The following LYPLAL1 variants were observed in gnomAD, a reference collection of about 807,000 sequenced individuals.
LYPLAL1 encodes the protein lysophospholipase-like protein 1.
LYPLAL1 carries 23 observed loss-of-function variants against 19.7 expected under a neutral mutation model. The ratio of observed to expected loss-of-function variants is 1.17; its 90% CI spans 0.84 to 1.65. The LOEUF is 1.65. Ranked by LOEUF, LYPLAL1 falls within the 40% of genes most tolerant of loss-of-function variation. The probability of loss-of-function intolerance (pLI) is 0.00; values close to 1 mark genes in which losing one functional copy is unlikely to be tolerated. For missense variants in LYPLAL1, 355 were observed against 279.4 expected, an observed-to-expected ratio of 1.27 and a Z score of -1.93; for synonymous variants, 119 against 96.3, an observed-to-expected ratio of 1.24 and a Z score of -1.38.
chr1:219,358,099 A>G, the LYPLAL1 span, among the ~76,000 whole-genome samples: 1 of 152,172 alleles, frequency 6.6e-6, no homozygotes, highest in Non-Finnish European at 1.5e-5. Flanking sequence ...GATGCTATTG[A>G]CAAAACTCAT....
chr1:219,328,803 T>G, the LYPLAL1 span, among the ~76,000 whole-genome samples: 1 of 152,156 alleles, frequency 6.6e-6, no homozygotes, highest in Non-Finnish European at 1.5e-5. Context: ...AAAGTACTTT[T>G]GTTGCAATTA....
the LYPLAL1 span, among the ~76,000 whole-genome samples, chr1:219,396,639 A>G: frequency 6.6e-6 from 1 of 152,078 alleles, no homozygotes; most frequent in Admixed American, 6.6e-5. Flanking sequence ...GAGATCTTTC[A>G]TCTCCCTGGT....
chr1:219,253,725 T>C, the LYPLAL1 span, among the ~76,000 whole-genome samples: 12 of 152,126 alleles, frequency 7.9e-5, no homozygotes, highest in African/African-American at 2.7e-4. Context: ...GTATGTGCCA[T>C]GTGGCAATGA....
chr1:219,396,617 G>T, the LYPLAL1 span, among the ~76,000 whole-genome samples: 2 of 152,230 alleles, frequency 1.3e-5, no homozygotes, highest in East Asian at 3.9e-4. Context: ...GTGTTTTGTA[G>T]TTCTCCTTGT....
At chr1:219,226,676 G>A in the LYPLAL1 span, among the ~76,000 whole-genome samples, 2 of 152,004 alleles carry the variant, frequency 1.3e-5, no homozygotes, top group Non-Finnish European at 2.9e-5. Flanking sequence ...GCATGCTGTG[G>A]TACTCTGATA....
At chr1:219,240,140 A>C in the LYPLAL1 span, among the ~76,000 whole-genome samples, 1 of 152,216 alleles carries the variant, frequency 6.6e-6, no homozygotes, top group African/African-American at 2.4e-5. Context: ...CCCAGCTGGG[A>C]AAGAGTGGCT....
chr1:219,211,231 A>G (rs1472427377), intron 4 of LYPLAL1, among the ~76,000 whole-genome samples: 1 of 152,092 alleles, frequency 6.6e-6, no homozygotes, highest in Non-Finnish European at 1.5e-5. Flanking sequence ...TCTTTAGGAA[A>G]TGCTTTGGCC....
chr1:219,258,228 T>A, the LYPLAL1 span, among the ~76,000 whole-genome samples: 1 of 152,078 alleles, frequency 6.6e-6, no homozygotes, highest in Admixed American at 6.6e-5. Flanking sequence ...CATTTTACAA[T>A]CAATTTGTAC....
intron 2 of LYPLAL1, among the ~76,000 whole-genome samples, chr1:219,185,120 C>T (rs1656622912): frequency 6.6e-6 from 1 of 151,634 alleles, no homozygotes; most frequent in African/African-American, 2.4e-5. Context: ...TATTTTTAGG[C>T]CAGTTTTGAT....
the LYPLAL1 span, among the ~76,000 whole-genome samples, chr1:219,432,475 C>G: frequency 6.6e-6 from 1 of 152,108 alleles, no homozygotes; most frequent in Non-Finnish European, 1.5e-5. Flanking sequence ...GGGTGGGTAA[C>G]AGTGACTCAA....
chr1:219,248,311 A>G, the LYPLAL1 span, among the ~76,000 whole-genome samples: 1 of 152,134 alleles, frequency 6.6e-6, no homozygotes, highest in Non-Finnish European at 1.5e-5. Flanking sequence ...TGCTTTACAG[A>G]CTTATGCAAG....
At chr1:219,401,400 T>C in the LYPLAL1 span, among the ~76,000 whole-genome samples, 2 of 145,490 alleles carry the variant, frequency 1.4e-5, no homozygotes, top group African/African-American at 4.9e-5. Flanking sequence ...TATTCATTCA[T>C]GTGTTAGTGA....
the LYPLAL1 span, among the ~76,000 whole-genome samples, chr1:219,304,777 G>A: frequency 1.3e-5 from 2 of 152,072 alleles, no homozygotes; most frequent in African/African-American, 4.8e-5. Context: ...ATATTGAGAT[G>A]CCAAGTCGTC....
At chr1:219,258,422 T>C in the LYPLAL1 span, among the ~76,000 whole-genome samples, 1 of 152,064 alleles carries the variant, frequency 6.6e-6, no homozygotes, top group Non-Finnish European at 1.5e-5. Flanking sequence ...TCTTCTGCCA[T>C]GGCTCCAGCC....
Position 219,211,827 on chromosome 1 carries a change from A to G in LYPLAL1, c.*99A>G. 1.3e-6 allele frequency: 1 copy of G among 743,602 alleles called. No homozygotes were observed. The allele number at this position is 743,602 out of a possible 1,614,324, so 46.1% of individuals were successfully genotyped here. On this transcript the variant is annotated 3_prime_UTR_variant, in exon 5 of 5. Coordinates refer to ENST00000366928, the MANE Select transcript of LYPLAL1 (RefSeq NM_138794.5). ...GATAATTAAAATATTAAGAAATAACACTTTCCTGACTTTTTTATTATTAAA... is the reference window on the plus strand; with the variant it reads ...GATAATTAAAATATTAAGAAATAACGCTTTCCTGACTTTTTTATTATTAAA...
At chr1:219,313,528 A>G in the LYPLAL1 span, among the ~76,000 whole-genome samples, 2 of 68,548 alleles carry the variant, frequency 2.9e-5, no homozygotes, top group African/African-American at 4.4e-5. Context: ...TTTTAAAAAA[A>G]CTTTTTTTTT....
At chr1:219,375,097 T>G in the LYPLAL1 span, among the ~76,000 whole-genome samples, 30,885 of 152,154 alleles carry the variant, frequency 0.2, 3,638 homozygotes, top group Admixed American at 0.31. Flanking sequence ...GCCTAATAGC[T>G]GTTGTCAACC....
At chr1:219,205,015 T>G (rs1234744862) in intron 3 of LYPLAL1, among the ~76,000 whole-genome samples, 1 of 152,134 alleles carries the variant, frequency 6.6e-6, no homozygotes, top group Non-Finnish European at 1.5e-5. Context: ...GATCTAAATA[T>G]CCATCATGAC....
At chr1:219,355,579 A>T in the LYPLAL1 span, among the ~76,000 whole-genome samples, 2 of 152,218 alleles carry the variant, frequency 1.3e-5, no homozygotes, top group African/African-American at 4.8e-5. Flanking sequence ...AGTAAGGAAT[A>T]TTACCAGAGA....
Sources: allele counts gnomAD v4.1 joint callset (sites outside exome capture counted in the v4.1 genomes callset), GRCh38; gene constraint gnomAD v4.1.1; transcripts MANE v1.5; gene names NCBI Gene and HGNC (gene_info 2026-07-23, HGNC 2026-07-21).